Variants in GRIK1 observed in about 807,000 individuals in gnomAD.
GRIK1 encodes glutamate receptor ionotropic, kainate 1.
A neutral mutation model predicts 105.7 loss-of-function variants in GRIK1; 69 were observed. The ratio of observed to expected loss-of-function variants is 0.65; its 90% CI spans 0.54 to 0.80. The LOEUF (loss-of-function observed/expected upper bound fraction) is 0.80. Ranked by LOEUF, GRIK1 falls within the 30% of genes least tolerant of loss-of-function variation. The probability of loss-of-function intolerance (pLI) is 0.00; values close to 1 mark genes in which losing one functional copy is unlikely to be tolerated. For missense variants in GRIK1, 1,109 were observed against 1,167.3 expected (o/e 0.95, Z 0.73); for synonymous variants, 438 against 431.3 (o/e 1.02, Z -0.19).
chr21:29,852,206 T>C (rs2068330176), intron 1 of GRIK1, among the ~76,000 whole-genome samples: 2 of 152,178 alleles, frequency 1.3e-5, no homozygotes, highest in Non-Finnish European at 2.9e-5. Context: ...CCTTGATGCT[T>C]GACATTCAAA....
chr21:29,877,429 A>G (rs996054608), intron 1 of GRIK1, among the ~76,000 whole-genome samples: 5 of 152,162 alleles, frequency 3.3e-5, no homozygotes, highest in Non-Finnish European at 5.9e-5. Context: ...TTATATTACT[A>G]TTGTTCACAA....
At chr21:29,631,096 C>T (rs1568911936) in intron 7 of GRIK1, among the ~76,000 whole-genome samples, 2 of 152,160 alleles carry the variant, frequency 1.3e-5, no homozygotes, top group East Asian at 1.9e-4. Flanking sequence ...GCCTGAGCTA[C>T]TGCACCTAGC....
At chr21:29,577,289 C>A in intron 13 of GRIK1, 108 bp from the exon 14 acceptor site, 1 of 623,794 alleles carries the variant, frequency 1.6e-6, no homozygotes, top group Non-Finnish European at 2.9e-6. Flanking sequence ...GACTTACCGT[C>A]TTGTAGGTAG....
chr21:29,623,208 C>T (rs757904001), intron 7 of GRIK1, among the ~76,000 whole-genome samples: 5 of 152,046 alleles, frequency 3.3e-5, no homozygotes, highest in Admixed American at 2.0e-4. Flanking sequence ...CAGGCAAGAG[C>T]GAGAGCATGT....
chr21:29,889,582 A>T (rs908847664), intron 1 of GRIK1, among the ~76,000 whole-genome samples: 1 of 152,026 alleles, frequency 6.6e-6, no homozygotes, highest in African/African-American at 2.4e-5. Flanking sequence ...ATGATATTAA[A>T]TGACATTGCA....
chr21:29,560,427 T>TTCTTTCTTTC (rs2090416427), intron 15 of GRIK1, among the ~76,000 whole-genome samples: 1 of 132,330 alleles, frequency 7.6e-6, no homozygotes, highest in Non-Finnish European at 1.5e-5. Context: ...CTTTCTTTCT[T>TTCTTTCTTTC]TCTTTCTTTC....
At chr21:29,538,747 C>T (rs1394178913) in intron 16 of GRIK1, among the ~76,000 whole-genome samples, 1 of 151,972 alleles carries the variant, frequency 6.6e-6, no homozygotes, top group Non-Finnish European at 1.5e-5. Context: ...AATTTGTGTT[C>T]TATGTTTGCA....
chr21:29,927,866 G>A (rs138707723), intron 1 of GRIK1, among the ~76,000 whole-genome samples: 172 of 151,782 alleles, frequency 1.1e-3, no homozygotes, highest in African/African-American at 2.4e-3. Flanking sequence ...GCAAGACTCC[G>A]TCTCAAAAAA....
intron 1 of GRIK1, among the ~76,000 whole-genome samples, chr21:29,807,735 T>A (rs1217488886): frequency 2.6e-5 from 4 of 152,166 alleles, no homozygotes; most frequent in African/African-American, 7.2e-5. Flanking sequence ...GCTCTTCAGA[T>A]GCTTCATAGA....
intron 1 of GRIK1, among the ~76,000 whole-genome samples, chr21:29,865,929 C>T (rs1045869901): frequency 6.6e-6 from 1 of 152,138 alleles, no homozygotes; most frequent in Non-Finnish European, 1.5e-5. Flanking sequence ...TCTTGGTAGG[C>T]TTGTTAGATA....
intron 7 of GRIK1, among the ~76,000 whole-genome samples, chr21:29,612,550 G>T (rs754761863): frequency 1.3e-5 from 2 of 152,106 alleles, no homozygotes; most frequent in Non-Finnish European, 2.9e-5. Flanking sequence ...TACATTGTCA[G>T]TGCATTCATT....
intron 12 of GRIK1, 63 bp from the exon 13 acceptor site, chr21:29,581,606 C>A (rs573606446): frequency 7.6e-6 from 7 of 920,398 alleles, no homozygotes; most frequent in African/African-American, 6.6e-5. Context: ...CCAGCAAAAC[C>A]AAAACCTGCT....
intron 7 of GRIK1, among the ~76,000 whole-genome samples, chr21:29,621,411 TGG>T (rs1467365587): frequency 1.3e-5 from 2 of 151,668 alleles, no homozygotes; most frequent in East Asian, 3.9e-4. Context: ...TGTGTGTGTG[TGG>T]GGAAGACGAT....
chr21:29,736,680 T>G (rs1486915758), intron 1 of GRIK1, among the ~76,000 whole-genome samples: 3 of 151,158 alleles, frequency 2.0e-5, no homozygotes, highest in Non-Finnish European at 4.4e-5. Context: ...TTCTTTCCTT[T>G]TCTTTTTTTT....
intron 1 of GRIK1, among the ~76,000 whole-genome samples, chr21:29,930,237 C>T (rs1479255217): frequency 1.3e-5 from 2 of 152,236 alleles, no homozygotes; most frequent in African/African-American, 2.4e-5. Context: ...ATGGCTCTAT[C>T]TCATTAATCC....
intron 1 of GRIK1, among the ~76,000 whole-genome samples, chr21:29,710,602 ATTATTTAT>A (rs150147575): frequency 6.9e-6 from 1 of 145,958 alleles, no homozygotes; most frequent in Non-Finnish European, 1.5e-5. Context: ...AATTTTAATT[ATTATTTAT>A]TTTAGACTAT....
chr21:29,813,058 C>T (rs1274437007), intron 1 of GRIK1, among the ~76,000 whole-genome samples: 1 of 152,026 alleles, frequency 6.6e-6, no homozygotes, highest in African/African-American at 2.4e-5. Context: ...TCTGCAACAA[C>T]CTTGGGTATA....
intron 1 of GRIK1, among the ~76,000 whole-genome samples, chr21:29,915,614 C>T (rs1037380580): frequency 2.0e-5 from 3 of 151,996 alleles, no homozygotes; most frequent in Admixed American, 6.6e-5. Flanking sequence ...ACTGCGGGAA[C>T]ATGTTGTGAT....
At chr21:29,792,454 A>G (rs1331665669) in intron 1 of GRIK1, among the ~76,000 whole-genome samples, 2 of 152,160 alleles carry the variant, frequency 1.3e-5, no homozygotes, top group African/African-American at 4.8e-5. Context: ...TGCCATTCCC[A>G]TCGTTATGAG....
Sources: allele counts gnomAD v4.1 joint callset (sites outside exome capture counted in the v4.1 genomes callset), GRCh38; gene constraint gnomAD v4.1.1; transcripts MANE v1.5; gene names NCBI Gene and HGNC (gene_info 2026-07-23, HGNC 2026-07-21).